Variants in TENM3 observed in about 807,000 individuals in gnomAD.
TENM3 encodes teneurin transmembrane protein 3.
Under a neutral mutation model 255.1 loss-of-function variants are expected in TENM3, and 63 were observed. The observed-to-expected ratio is 0.25, with a 90% CI of 0.20 to 0.30. The LOEUF (loss-of-function observed/expected upper bound fraction) is 0.30, where lower values mean the gene tolerates loss of function less well. Among genes scored for constraint, TENM3 ranks in the 10% least tolerant of loss-of-function variants. The pLI is 1.00. For synonymous variants in TENM3, 1,306 were observed against 1,322.3 expected, an observed-to-expected ratio of 0.99 and a Z score of 0.27; for missense variants, 2,929 against 3,461.1, an observed-to-expected ratio of 0.85 and a Z score of 3.86.
At chr4:182,230,535 AACAG>A (rs746682730) in intron 1 of TENM3, among the ~76,000 whole-genome samples, 21 of 151,874 alleles carry the variant, frequency 1.4e-4, no homozygotes, top group Non-Finnish European at 3.1e-4. Flanking sequence ...CAGTGACCAA[AACAG>A]ACAGTCACTG....
chr4:182,073,586 G>T, the TENM3 span, among the ~76,000 whole-genome samples: 1 of 152,188 alleles, frequency 6.6e-6, no homozygotes. Flanking sequence ...AATACAAAAG[G>T]TGTTGGCCTC....
At chr4:182,411,019 C>T (rs1225234082) in intron 3 of TENM3, among the ~76,000 whole-genome samples, 1 of 152,108 alleles carries the variant, frequency 6.6e-6, no homozygotes, top group Non-Finnish European at 1.5e-5. Context: ...CTTCAGTGTG[C>T]TCAAAAGCAG....
chr4:182,058,945 CGTGTGT>C, the TENM3 span, among the ~76,000 whole-genome samples: 531 of 139,132 alleles, frequency 3.8e-3, 4 homozygotes, highest in African/African-American at 0.013. Context: ...AGTCATAGCT[CGTGTGT>C]GTGTGTGTGT....
chr4:182,704,479 G>A (rs1758120048), intron 12 of TENM3, among the ~76,000 whole-genome samples: 1 of 152,206 alleles, frequency 6.6e-6, no homozygotes, highest in Admixed American at 6.5e-5. Flanking sequence ...TCTTTCAGCA[G>A]TGCTGACTTT....
chr4:181,613,058 C>T, the TENM3 span, among the ~76,000 whole-genome samples: 1 of 152,252 alleles, frequency 6.6e-6, no homozygotes, highest in South Asian at 2.1e-4. Context: ...TACTCTAATG[C>T]CTATCATGCC....
the TENM3 span, among the ~76,000 whole-genome samples, chr4:181,970,019 A>G: frequency 1.3e-5 from 2 of 152,226 alleles, no homozygotes; most frequent in Non-Finnish European, 2.9e-5. Context: ...ATAACTTGCA[A>G]AGACAGCTCC....
chr4:181,994,071 A>G, the TENM3 span, among the ~76,000 whole-genome samples: 2 of 152,158 alleles, frequency 1.3e-5, no homozygotes, highest in Non-Finnish European at 1.5e-5. Context: ...CTTACTTTTC[A>G]ATGTTCACTA....
At chr4:181,818,398 G>C in the TENM3 span, among the ~76,000 whole-genome samples, 1 of 152,154 alleles carries the variant, frequency 6.6e-6, no homozygotes, top group East Asian at 1.9e-4. Context: ...GGTTCAGCTT[G>C]TAGACATTCC....
At chr4:181,471,257 T>A in the TENM3 span, among the ~76,000 whole-genome samples, 1 of 152,220 alleles carries the variant, frequency 6.6e-6, no homozygotes, top group South Asian at 2.1e-4. Context: ...GCACATGGCT[T>A]CAACCATTAG....
chr4:181,821,439 A>G, the TENM3 span: 1 of 152,236 alleles, frequency 6.6e-6, no homozygotes, highest in African/African-American at 2.4e-5. Context: ...ACACAACTCC[A>G]TCTTAATTAT....
the TENM3 span, among the ~76,000 whole-genome samples, chr4:182,012,366 C>T: frequency 2.6e-5 from 4 of 152,124 alleles, no homozygotes; most frequent in Non-Finnish European, 4.4e-5. Flanking sequence ...TTTCCTTATC[C>T]TTCTGAAATC....
At chr4:182,678,289 C>T (rs1313812792) in intron 7 of TENM3, among the ~76,000 whole-genome samples, 1 of 152,088 alleles carries the variant, frequency 6.6e-6, no homozygotes. Flanking sequence ...TTTTTAAACT[C>T]TCCAGTCACC....
chr4:182,553,304 C>T (rs1407502224), intron 3 of TENM3, among the ~76,000 whole-genome samples: 2 of 146,008 alleles, frequency 1.4e-5, no homozygotes, highest in East Asian at 4.1e-4. Context: ...TTGAAATGTT[C>T]TCACTCATAG....
chr4:181,921,068 G>C, the TENM3 span, among the ~76,000 whole-genome samples: 1 of 152,064 alleles, frequency 6.6e-6, no homozygotes, highest in African/African-American at 2.4e-5. Context: ...ATTTCTGAGG[G>C]CTCTGTTCTC....
the TENM3 span, among the ~76,000 whole-genome samples, chr4:182,015,914 AT>A: frequency 1.3e-5 from 2 of 152,226 alleles, no homozygotes; most frequent in African/African-American, 4.8e-5. Context: ...GAAAACCATC[AT>A]TAACTTAAAA....
rs368341444 is a variant in TENM3, at chr4:182,229,905, G to A, written c.-76+85151G>A. The stretch of plus-strand genomic sequence containing the variant: ...AAGGATGGTGTTTAAAGGCACTGTC[G>A]TTAGTTATCTCAACAGGTGGTAGCT... On this transcript the variant is annotated intron_variant, in intron 1 of 2. Transcript: ENST00000512480. Among the ~76,000 whole-genome samples, 724 of 152,198 alleles carry A rather than the reference G, an allele frequency of 4.8e-3. 4 individuals carry two copies. The highest frequency in any genetic ancestry group is 0.016 in the African/African-American group (672 of 41,514).
the TENM3 span, among the ~76,000 whole-genome samples, chr4:181,497,847 T>G: frequency 6.6e-6 from 1 of 152,216 alleles, no homozygotes; most frequent in Non-Finnish European, 1.5e-5. Flanking sequence ...ATGTTATTTC[T>G]ATTTCAATGG....
chr4:182,613,812 A>C (rs1749229429), intron 4 of TENM3, among the ~76,000 whole-genome samples: 1 of 152,230 alleles, frequency 6.6e-6, no homozygotes, highest in Non-Finnish European at 1.5e-5. Flanking sequence ...GTAAAATAGT[A>C]AAACCAGTTT....
chr4:181,518,934 T>C, the TENM3 span, among the ~76,000 whole-genome samples: 1 of 152,190 alleles, frequency 6.6e-6, no homozygotes, highest in African/African-American at 2.4e-5. Context: ...ATATGGACAG[T>C]GAGCTGTTTA....
Sources: gnomAD v4.1 joint callset for allele counts (sites outside exome capture counted in the v4.1 genomes callset) on GRCh38, gnomAD v4.1.1 for gene constraint, MANE v1.5 for transcripts, NCBI Gene and HGNC (gene_info 2026-07-23, HGNC 2026-07-21) for gene names.